Variants in FNDC3A observed in about 807,000 individuals in gnomAD.
FNDC3A encodes the protein fibronectin type-III domain-containing protein 3A.
A neutral mutation model predicts 148.9 loss-of-function variants in FNDC3A; 32 were observed. That is an observed-to-expected ratio of 0.21 (90% CI 0.16 to 0.29). FNDC3A has a LOEUF of 0.29. Ranked by LOEUF, FNDC3A falls within the 10% of genes least tolerant of loss-of-function variation. The pLI, the probability that FNDC3A is intolerant of heterozygous loss-of-function variation, is 1.00. For synonymous variants in FNDC3A, 472 were observed against 473.6 expected, an observed-to-expected ratio of 1.00 and a Z score of 0.04; for missense variants, 1,191 against 1,452.8, an observed-to-expected ratio of 0.82 and a Z score of 2.93.
intron 2 of FNDC3A, among the ~76,000 whole-genome samples, chr13:49,024,981 T>C (rs1311419547): frequency 6.6e-6 from 1 of 152,110 alleles, no homozygotes; most frequent in African/African-American, 2.4e-5. Context: ...CTACTACTGT[T>C]ATTTTCTTCA....
rs574906145 is a variant in FNDC3A, at chr13:49,158,227, G to A, written c.978-9017G>A. ...GGTGCAGGATATAATCTCGTGGTGCGCCGTTTTTTAAGCCGGTCGGAGAAG... is the reference window on the plus strand; with the variant it reads ...GGTGCAGGATATAATCTCGTGGTGCACCGTTTTTTAAGCCGGTCGGAGAAG... On this transcript the variant is annotated intron_variant, in intron 8 of 25. Coordinates refer to ENST00000492622, the MANE Select transcript of FNDC3A (RefSeq NM_001079673.2). 5.4e-4 allele frequency among the ~76,000 whole-genome samples: 82 copies of A among 152,306 alleles called. 1 individual carries two copies. The South Asian group carries it at 8.1e-3, about 15-fold the overall frequency.
intron 4 of FNDC3A, among the ~76,000 whole-genome samples, chr13:49,123,015 A>G (rs1024593479): frequency 2.2e-4 from 34 of 152,206 alleles, no homozygotes; most frequent in African/African-American, 7.7e-4. Flanking sequence ...TTCATATGGA[A>G]CCAAAAAAGA....
Position 49,197,881 on chromosome 13 carries a change from A to G in FNDC3A, c.2490+7A>G. On this transcript the variant is annotated splice_region_variant and intron_variant, in intron 21 of 25. Coordinates refer to ENST00000492622, the MANE Select transcript of FNDC3A (RefSeq NM_001079673.2). Reference sequence around the variant, plus strand: ...CTATTATTGCAGGGTCCAGGTAAAGATGATCAGTACCTTGTCACTTAACTC... The same window carrying G: ...CTATTATTGCAGGGTCCAGGTAAAGGTGATCAGTACCTTGTCACTTAACTC... 1 of 1,598,186 alleles carries G rather than the reference A, an allele frequency of 6.3e-7. No homozygotes were observed. The highest frequency in any genetic ancestry group is 8.5e-7 in the Non-Finnish European group (1 of 1,176,052).
chr13:49,137,508 C>T (rs1882445555), intron 6 of FNDC3A, among the ~76,000 whole-genome samples: 1 of 152,142 alleles, frequency 6.6e-6, no homozygotes, highest in African/African-American at 2.4e-5. Context: ...CCACGCCCAA[C>T]TACTTTTTGT....
At chr13:49,056,093 G>A (rs908112382) in intron 2 of FNDC3A, among the ~76,000 whole-genome samples, 3 of 151,946 alleles carry the variant, frequency 2.0e-5, no homozygotes, top group Non-Finnish European at 4.4e-5. Context: ...GGCTGAGGTG[G>A]GCAGGTTGCT....
In FNDC3A at chr13:49,175,488, A is replaced by G. The variant is rs1367809718; in HGVS notation, c.1477A>G (p.Thr493Ala). Residue 493 changes from threonine to alanine, a missense_variant, in exon 13 of 26, where the codon ACA (threonine) becomes GCA (alanine). Transcript: ENST00000492622. ...LSLQWSKPSG[T>A]PSDEGISYIL... ...CTTACAATGGAGTAAGCCCTCAGGAACACCATCAGATGAAGGAATTTCTTA... is the reference window on the plus strand; with the variant it reads ...CTTACAATGGAGTAAGCCCTCAGGAGCACCATCAGATGAAGGAATTTCTTA... The G allele has an allele frequency of 2.5e-6, 4 of 1,612,804 alleles. No individual in the cohort carries two copies. The highest frequency in any genetic ancestry group is 4.5e-5 in the East Asian group (2 of 44,830).
chr13:49,166,773 C>G (rs1295151168), intron 8 of FNDC3A, among the ~76,000 whole-genome samples: 1 of 152,144 alleles, frequency 6.6e-6, no homozygotes, highest in African/African-American at 2.4e-5. Flanking sequence ...CAGTTTAATT[C>G]CAGTGTTCTC....
intron 2 of FNDC3A, among the ~76,000 whole-genome samples, chr13:49,029,871 T>C (rs1873980044): frequency 6.6e-6 from 1 of 151,992 alleles, no homozygotes; most frequent in African/African-American, 2.4e-5. Context: ...ACTAGACAAA[T>C]ATCTAGAAAG....
chr13:48,995,894 T>C (rs1276036936), intron 1 of FNDC3A, among the ~76,000 whole-genome samples: 1 of 152,196 alleles, frequency 6.6e-6, no homozygotes, highest in East Asian at 1.9e-4. Context: ...CCACCACAGG[T>C]GATTTCAAAT....
At chr13:49,121,607 T>A (rs1283387283) in intron 4 of FNDC3A, among the ~76,000 whole-genome samples, 1 of 152,066 alleles carries the variant, frequency 6.6e-6, no homozygotes, top group Non-Finnish European at 1.5e-5. Flanking sequence ...CTAGCTGGAC[T>A]GTTAAAGAAG....
At chr13:49,077,031 G>A (rs1002103503) in intron 3 of FNDC3A, among the ~76,000 whole-genome samples, 100 of 152,148 alleles carry the variant, frequency 6.6e-4, no homozygotes, top group African/African-American at 2.3e-3. Flanking sequence ...TAATCCCAGT[G>A]CTTTGAGAGA....
intron 3 of FNDC3A, among the ~76,000 whole-genome samples, chr13:49,079,432 T>A (rs1039661943): frequency 1.3e-5 from 2 of 152,150 alleles, no homozygotes; most frequent in African/African-American, 4.8e-5. Flanking sequence ...CAGTGGTATG[T>A]AAAGAAAAAA....
intron 14 of FNDC3A, among the ~76,000 whole-genome samples, chr13:49,184,800 A>G (rs949128555): frequency 1.3e-5 from 2 of 152,134 alleles, no homozygotes; most frequent in Non-Finnish European, 2.9e-5. Flanking sequence ...TGCGGTCCCA[A>G]TGGCCTGTAA....
chr13:49,049,121 T>C (rs924469470), intron 2 of FNDC3A, among the ~76,000 whole-genome samples: 2 of 152,194 alleles, frequency 1.3e-5, no homozygotes, highest in African/African-American at 4.8e-5. Context: ...TATTGACTTA[T>C]GTATGTTAAG....
intron 2 of FNDC3A, among the ~76,000 whole-genome samples, chr13:49,013,050 T>C (rs1400979622): frequency 6.6e-6 from 1 of 152,146 alleles, no homozygotes; most frequent in Non-Finnish European, 1.5e-5. Context: ...GTGCAGTGGC[T>C]GACGCCAGTA....
intron 2 of FNDC3A, among the ~76,000 whole-genome samples, chr13:49,023,792 C>G (rs918565012): frequency 2.0e-5 from 3 of 151,860 alleles, no homozygotes; most frequent in African/African-American, 7.2e-5. Context: ...AAGATGTTTC[C>G]CACTTTTGCA....
chr13:49,159,826 A>G (rs867886340), intron 8 of FNDC3A, among the ~76,000 whole-genome samples: 1 of 152,200 alleles, frequency 6.6e-6, no homozygotes, highest in Non-Finnish European at 1.5e-5. Flanking sequence ...TTTAGCATGA[A>G]GGGCTGTTGA....
rs1468586722 is a variant in FNDC3A, at chr13:49,207,336, C to T, written c.3538C>T (p.Leu1180=). The T allele has an allele frequency of 6.2e-7, 1 of 1,613,654 alleles. No individual in the cohort carries two copies. The highest frequency in any genetic ancestry group is 1.7e-5 in the Admixed American group (1 of 60,012). Residue 1180 remains leucine (L), a synonymous_variant, in exon 26 of 26, where the codon CTG becomes TTG. Transcript: ENST00000492622. ...GCAGTGTGCTGCCGTCATCCTTGTG[C>T]TGTTTGCTTTCTTTTCCATTTTGAT... ...DEQCAAVILV[L]FAFFSILIAF...
intron 8 of FNDC3A, among the ~76,000 whole-genome samples, chr13:49,158,055 C>A (rs1017763807): frequency 6.6e-6 from 1 of 152,122 alleles, no homozygotes; most frequent in South Asian, 2.1e-4. Flanking sequence ...CCACTCAGTT[C>A]GAGCTTCCCG....
Sources: gnomAD v4.1 joint callset for allele counts (sites outside exome capture counted in the v4.1 genomes callset) on GRCh38, gnomAD v4.1.1 for gene constraint, MANE v1.5 for transcripts, NCBI Gene and HGNC (gene_info 2026-07-23, HGNC 2026-07-21) for gene names.